CDH12: variants seen among roughly 807,000 people sequenced by gnomAD.
The protein encoded by CDH12 is cadherin 12, also known as cadherin-12.
A neutral mutation model predicts 74.1 loss-of-function variants in CDH12; 41 were observed. That is an observed-to-expected ratio of 0.55 (90% confidence interval 0.43 to 0.72). The LOEUF (loss-of-function observed/expected upper bound fraction) is 0.72, where lower values mean the gene tolerates loss of function less well. Ranked by LOEUF, CDH12 falls within the 30% of genes least tolerant of loss-of-function variation. The pLI is 0.00. For missense variants in CDH12, 945 were observed against 977.2 expected (o/e 0.97, Z 0.44); for synonymous variants, 399 against 355.0 (o/e 1.12, Z -1.39).
intron 3 of CDH12, among the ~76,000 whole-genome samples, chr5:22,299,694 A>G (rs921732106): frequency 1.3e-5 from 2 of 152,016 alleles, no homozygotes; most frequent in Admixed American, 6.6e-5. Context: ...CTCTGGATCA[A>G]CTCCTTATGC....
At chr5:22,419,316 C>G (rs892423282) in intron 2 of CDH12, among the ~76,000 whole-genome samples, 39 of 152,100 alleles carry the variant, frequency 2.6e-4, no homozygotes, top group Non-Finnish European at 4.7e-4. Flanking sequence ...CCCTGCACCC[C>G]CTGACAGGCC....
intron 1 of CDH12, among the ~76,000 whole-genome samples, chr5:22,692,680 T>A (rs1165605950): frequency 6.6e-6 from 1 of 152,210 alleles, no homozygotes; most frequent in East Asian, 1.9e-4. Context: ...TTTGATGAAG[T>A]TGTCACACAA....
intron 1 of CDH12, among the ~76,000 whole-genome samples, chr5:22,607,891 G>A (rs974054736): frequency 6.6e-6 from 1 of 152,222 alleles, no homozygotes; most frequent in Non-Finnish European, 1.5e-5. Flanking sequence ...AAGAATTGGG[G>A]TTTGAAAACC....
chr5:22,644,857 G>C (rs529315291), intron 1 of CDH12, among the ~76,000 whole-genome samples: 1 of 152,004 alleles, frequency 6.6e-6, no homozygotes, highest in Admixed American at 6.6e-5. Context: ...AAAATCCTAG[G>C]GCCTTTAAGA....
intron 5 of CDH12, among the ~76,000 whole-genome samples, chr5:22,000,853 A>G (rs528136706): frequency 6.6e-6 from 1 of 152,170 alleles, no homozygotes; most frequent in Non-Finnish European, 1.5e-5. Context: ...TCAGCTCGAA[A>G]AAAAGCCTAT....
chr5:22,022,766 T>A (rs1345236466), intron 5 of CDH12, among the ~76,000 whole-genome samples: 2 of 152,174 alleles, frequency 1.3e-5, no homozygotes, highest in African/African-American at 4.8e-5. Context: ...AACCAAATCC[T>A]AGAAGTCACC....
intron 6 of CDH12, among the ~76,000 whole-genome samples, chr5:21,909,600 A>G (rs943062698): frequency 9.9e-5 from 15 of 152,182 alleles, no homozygotes; most frequent in African/African-American, 2.9e-4. Context: ...CATAACAGTG[A>G]TGATAACAGA....
chr5:22,483,275 T>A (rs552273511), intron 2 of CDH12, among the ~76,000 whole-genome samples: 6 of 152,278 alleles, frequency 3.9e-5, no homozygotes, highest in African/African-American at 1.2e-4. Flanking sequence ...CTCAAGTTTT[T>A]AAAAATCTAC....
chr5:22,837,759 G>T (rs1313978464), intron 1 of CDH12, among the ~76,000 whole-genome samples: 2 of 152,210 alleles, frequency 1.3e-5, no homozygotes, highest in African/African-American at 4.8e-5. Flanking sequence ...ACATTAAATA[G>T]AATTTACATG....
At chr5:22,840,355 C>T (rs1490902054) in intron 1 of CDH12, among the ~76,000 whole-genome samples, 1 of 152,040 alleles carries the variant, frequency 6.6e-6, no homozygotes, top group East Asian at 1.9e-4. Flanking sequence ...ATCTCCTGAC[C>T]TTGTAATCCA....
intron 1 of CDH12, among the ~76,000 whole-genome samples, chr5:22,764,085 T>A (rs1384542115): frequency 6.6e-6 from 1 of 151,780 alleles, no homozygotes; most frequent in Non-Finnish European, 1.5e-5. Context: ...CTTTTTACAT[T>A]TGTTTTTAAA....
At chr5:22,641,349 A>C (rs182001949) in intron 1 of CDH12, among the ~76,000 whole-genome samples, 2 of 152,246 alleles carry the variant, frequency 1.3e-5, no homozygotes, top group African/African-American at 2.4e-5. Context: ...ATGGAGAATA[A>C]GATTGTCTCA....
intron 8 of CDH12, among the ~76,000 whole-genome samples, chr5:21,821,183 C>T (rs553060465): frequency 7.9e-5 from 12 of 151,474 alleles, no homozygotes; most frequent in South Asian, 2.1e-4. Context: ...AACTGTGTGT[C>T]GGGCGGGGAG....
intron 1 of CDH12, among the ~76,000 whole-genome samples, chr5:22,795,611 A>G (rs1748156246): frequency 6.6e-6 from 1 of 151,270 alleles, no homozygotes; most frequent in African/African-American, 2.4e-5. Flanking sequence ...ACACACACAA[A>G]CACACATCTC....
At chr5:22,648,587 C>T (rs1739564257) in intron 1 of CDH12, among the ~76,000 whole-genome samples, 1 of 151,838 alleles carries the variant, frequency 6.6e-6, no homozygotes, top group Admixed American at 6.6e-5. Context: ...CTGTTTTTCA[C>T]ATACACGCAG....
intron 1 of CDH12, among the ~76,000 whole-genome samples, chr5:22,698,122 CTT>C (rs10677695): frequency 4.4e-5 from 4 of 91,180 alleles, no homozygotes; most frequent in African/African-American, 4.3e-5. Context: ...AAAGGCAGGG[CTT>C]TTTTTTTTTT....
intron 4 of CDH12, among the ~76,000 whole-genome samples, chr5:22,194,398 T>G (rs1164275261): frequency 2.0e-5 from 3 of 151,506 alleles, no homozygotes; most frequent in Non-Finnish European, 4.4e-5. Context: ...GTGGCACAAT[T>G]TCAGGTCACT....
intron 1 of CDH12, among the ~76,000 whole-genome samples, chr5:22,845,611 G>GT (rs1737265667): frequency 6.6e-6 from 1 of 152,122 alleles, no homozygotes; most frequent in African/African-American, 2.4e-5. Flanking sequence ...GGGTAGAGAT[G>GT]ATTCTTCTGC....
intron 9 of CDH12, among the ~76,000 whole-genome samples, chr5:21,810,809 T>G (rs1055088991): frequency 6.6e-6 from 1 of 152,168 alleles, no homozygotes; most frequent in Non-Finnish European, 1.5e-5. Flanking sequence ...ATTTTAAACT[T>G]AAACTGAGGC....
Sources: gnomAD v4.1 joint callset for allele counts (sites outside exome capture counted in the v4.1 genomes callset) on GRCh38, gnomAD v4.1.1 for gene constraint, MANE v1.5 for transcripts, NCBI Gene and HGNC (gene_info 2026-07-23, HGNC 2026-07-21) for gene names.